Variants in NRG3 observed in about 807,000 individuals in gnomAD.
NRG3 encodes pro-neuregulin-3, membrane-bound isoform.
In NRG3, 31 loss-of-function variants were observed where a neutral mutation model predicts 66.9. That is an observed-to-expected ratio of 0.46 (90% CI 0.35 to 0.63). The LOEUF is 0.63. NRG3 is among the 20% of genes least tolerant of loss of function. The pLI, the probability that NRG3 is intolerant of heterozygous loss-of-function variation, is 0.00. For synonymous variants in NRG3, 393 were observed against 359.4 expected, an observed-to-expected ratio of 1.09 and a Z score of -1.06; for missense variants, 910 against 878.9, an observed-to-expected ratio of 1.04 and a Z score of -0.45.
At chr10:82,113,599 T>C (rs548450741) in intron 1 of NRG3, among the ~76,000 whole-genome samples, 1 of 152,256 alleles carries the variant, frequency 6.6e-6, no homozygotes, top group South Asian at 2.1e-4. Context: ...CGATGCAACA[T>C]GATACATTGG....
In NRG3 at chr10:82,742,473, G is replaced by A. The variant is rs2058466924; in HGVS notation, c.1027+3823G>A. Among the ~76,000 whole-genome samples, 3 of 152,222 alleles carry A rather than the reference G, an allele frequency of 2.0e-5. 1 individual carries two copies. In the South Asian group the frequency reaches 6.2e-4, roughly 32 times the overall value. ...AGGATCAATCTTATAAAGTGTGTCAGTGACAGTTTTTGTAAATATATCTAA... is the reference window on the plus strand; with the variant it reads ...AGGATCAATCTTATAAAGTGTGTCAATGACAGTTTTTGTAAATATATCTAA... On this transcript the variant is annotated intron_variant, in intron 3 of 8. Coordinates refer to ENST00000372141, the MANE Select transcript of NRG3 (RefSeq NM_001010848.4).
At chr10:82,118,025 C>A (rs1300033334) in intron 1 of NRG3, among the ~76,000 whole-genome samples, 1 of 152,036 alleles carries the variant, frequency 6.6e-6, no homozygotes, top group Non-Finnish European at 1.5e-5. Flanking sequence ...GCCGGTAGCA[C>A]CAACACAGCC....
intron 2 of NRG3, among the ~76,000 whole-genome samples, chr10:82,486,454 G>A (rs985575906): frequency 3.3e-5 from 5 of 150,558 alleles, no homozygotes; most frequent in East Asian, 2.0e-4. Flanking sequence ...TTGCTCTGTC[G>A]CCCAGGCTGG....
intron 2 of NRG3, among the ~76,000 whole-genome samples, chr10:82,519,896 G>A (rs960371878): frequency 6.6e-6 from 1 of 152,054 alleles, no homozygotes; most frequent in Non-Finnish European, 1.5e-5. Context: ...AAGTTTAAGG[G>A]CAGTGAAACC....
chr10:82,833,366 C>A (rs1312146923), intron 3 of NRG3, among the ~76,000 whole-genome samples: 1 of 152,134 alleles, frequency 6.6e-6, no homozygotes, highest in Non-Finnish European at 1.5e-5. Context: ...GAGTCTCAAT[C>A]CTGACCCAGA....
intron 4 of NRG3, among the ~76,000 whole-genome samples, chr10:82,878,330 T>G (rs1174403762): frequency 1.3e-5 from 2 of 152,138 alleles, no homozygotes; most frequent in African/African-American, 4.8e-5. Flanking sequence ...CTTCTGAGGT[T>G]TCAAGCAGGG....
At chr10:82,496,982 C>A (rs181623594) in intron 2 of NRG3, among the ~76,000 whole-genome samples, 1 of 152,088 alleles carries the variant, frequency 6.6e-6, no homozygotes, top group East Asian at 1.9e-4. Flanking sequence ...TGATTTTTTT[C>A]CCGTCAGTCT....
At chr10:81,967,204 G>A (rs1163272597) in intron 1 of NRG3, among the ~76,000 whole-genome samples, 1 of 151,720 alleles carries the variant, frequency 6.6e-6, no homozygotes, top group African/African-American at 2.4e-5. Context: ...TAGGTGTTAA[G>A]TTTTATTGCT....
rs545422416 is a variant in NRG3, at chr10:82,883,942, GT to G, written c.1054+18518del. ...ATAGCTTTGTAAATATTTTGCTATAGTTTTTTTTTTTTTCCTCTTCCCCAGC... is the reference window on the plus strand; with the variant it reads ...ATAGCTTTGTAAATATTTTGCTATAGTTTTTTTTTTTTCCTCTTCCCCAGC... On this transcript the variant is annotated intron_variant, in intron 4 of 8. Coordinates refer to ENST00000372141, the MANE Select transcript of NRG3 (RefSeq NM_001010848.4). Among the ~76,000 whole-genome samples, 246 of 142,996 alleles carry G rather than the reference GT, an allele frequency of 1.7e-3. 1 individual carries two copies. The Middle Eastern group carries it at 0.019, about 11-fold the overall frequency. The allele number at this position is 142,996 out of a possible 152,430, so 93.8% of individuals were successfully genotyped here.
intron 1 of NRG3, among the ~76,000 whole-genome samples, chr10:82,165,824 A>C (rs545509314): frequency 6.6e-6 from 1 of 151,918 alleles, no homozygotes; most frequent in South Asian, 2.1e-4. Flanking sequence ...TTTTTTGTGA[A>C]TTGAAAAAAT....
chr10:82,715,781 A>G (rs995923036), intron 2 of NRG3, among the ~76,000 whole-genome samples: 2 of 152,158 alleles, frequency 1.3e-5, no homozygotes, highest in Non-Finnish European at 2.9e-5. Flanking sequence ...TGTCTTATAA[A>G]CAACAGATTT....
intron 2 of NRG3, among the ~76,000 whole-genome samples, chr10:82,577,358 A>G (rs1321653273): frequency 6.6e-6 from 1 of 151,794 alleles, no homozygotes; most frequent in Non-Finnish European, 1.5e-5. Context: ...AAATTGAATG[A>G]AGTGTAATTT....
rs377234007 is a variant in NRG3 at position 82,112,679 on chromosome 10, C to A, written c.823+236516C>A. Among the ~76,000 whole-genome samples, 4 of 152,252 alleles carry A rather than the reference C, an allele frequency of 2.6e-5. No homozygotes were observed. The East Asian group carries it at 5.8e-4, about 22-fold the overall frequency. ...ACACATCTATTATTCATGGATCTTA[C>A]AAATTTAGGTGACATTCTGAAGGTC... On this transcript the variant is annotated intron_variant, in intron 1 of 8. Coordinates refer to ENST00000372141, the MANE Select transcript of NRG3 (RefSeq NM_001010848.4).
chr10:81,958,728 A>G (rs558323637), intron 1 of NRG3, among the ~76,000 whole-genome samples: 9 of 152,258 alleles, frequency 5.9e-5, no homozygotes, highest in South Asian at 4.1e-4. Context: ...TGTCTGTACT[A>G]AAAATACAAA....
At chr10:82,219,412 T>C (rs1448183524) in intron 1 of NRG3, among the ~76,000 whole-genome samples, 2 of 151,786 alleles carry the variant, frequency 1.3e-5, no homozygotes, top group African/African-American at 4.8e-5. Flanking sequence ...ATTATCAAAC[T>C]ACTCTTGGGA....
chr10:82,959,192 C>T lies in NRG3; in HGVS notation c.1284+117C>T. Reference sequence around the variant, plus strand: ...TTTTTCAGAGCTTTATAGGGTTTTGCTTAAATCGTTTTAACAGTTCTGGGC... The same window carrying T: ...TTTTTCAGAGCTTTATAGGGTTTTGTTTAAATCGTTTTAACAGTTCTGGGC... On this transcript the variant is annotated intron_variant, in intron 6 of 8. Transcript: ENST00000372141. 3.3e-6 allele frequency: 4 copies of T among 1,210,116 alleles called. No homozygotes were observed. The South Asian group carries it at 6.4e-5, about 19-fold the overall frequency. The allele number at this position is 1,210,116 out of a possible 1,614,324, so 75.0% of individuals were successfully genotyped here.
At chr10:82,480,372 A>C (rs555266012) in intron 2 of NRG3, among the ~76,000 whole-genome samples, 1 of 152,240 alleles carries the variant, frequency 6.6e-6, no homozygotes, top group Non-Finnish European at 1.5e-5. Context: ...TACATCACCA[A>C]AAAGTCATTT....
intron 2 of NRG3, among the ~76,000 whole-genome samples, chr10:82,429,844 A>G (rs1390133295): frequency 6.6e-6 from 1 of 152,146 alleles, no homozygotes; most frequent in East Asian, 1.9e-4. Context: ...CAGACTGGAT[A>G]ATAATCAATG....
intron 2 of NRG3, among the ~76,000 whole-genome samples, chr10:82,712,218 G>T (rs949924663): frequency 3.6e-5 from 5 of 139,016 alleles, no homozygotes; most frequent in African/African-American, 1.3e-4. Flanking sequence ...ATTCTATAAA[G>T]CAAGATTAAT....
Sources: allele counts gnomAD v4.1 joint callset (sites outside exome capture counted in the v4.1 genomes callset), GRCh38; gene constraint gnomAD v4.1.1; transcripts MANE v1.5; gene names NCBI Gene and HGNC (gene_info 2026-07-23, HGNC 2026-07-21).